The following ENOX1 variants were observed in gnomAD, a reference collection of about 807,000 sequenced individuals.
ENOX1 encodes candidate growth-related and time keeping constitutive hydroquinone (NADH) oxidase.
In ENOX1, 42 loss-of-function variants were observed where a neutral mutation model predicts 82.5. That is an observed-to-expected ratio of 0.51 (90% confidence interval 0.40 to 0.66). The LOEUF (loss-of-function observed/expected upper bound fraction) is 0.66. Among genes scored for constraint, ENOX1 ranks in the 30% least tolerant of loss-of-function variants. The probability of loss-of-function intolerance (pLI) is 0.00; values close to 1 mark genes in which losing one functional copy is unlikely to be tolerated. For missense variants in ENOX1, 608 were observed against 811.6 expected (o/e 0.75, Z 3.05); for synonymous variants, 271 against 282.2 (o/e 0.96, Z 0.40).
At chr13:43,272,779 C>T (rs951109556) in intron 12 of ENOX1, among the ~76,000 whole-genome samples, 1 of 152,146 alleles carries the variant, frequency 6.6e-6, no homozygotes, top group Non-Finnish European at 1.5e-5. Context: ...ATTTTTAAAA[C>T]ACCTTCACAG....
rs1437179044 is a variant in ENOX1, at chr13:43,266,964, T to C, written c.1555-1510A>G. Among the ~76,000 whole-genome samples, 3 of 152,198 alleles carry C rather than the reference T, an allele frequency of 2.0e-5. No individual in the cohort carries two copies. In the South Asian group the frequency reaches 6.2e-4, roughly 32 times the overall value. ...TAAATGTGCCAGTTGCTCTCCTCTC[T>C]TTTAAATAAACTCCATTCTTCCCAT... On this transcript the variant is annotated intron_variant, in intron 13 of 16. Coordinates refer to ENST00000690772, the MANE Select transcript of ENOX1 (RefSeq NM_001347969.2).
At position 43,445,413 on chromosome 13, in the gene ENOX1, GCC is replaced by G. The variant is rs1352782125; in HGVS notation, c.-74-32427_-74-32426del. On this transcript the variant is annotated intron_variant, in intron 3 of 16. Transcript: ENST00000690772. The stretch of plus-strand genomic sequence containing the variant: ...GCTGGGATTACAGGTGTGAGCCACT[GCC>G]CCCGGCCCACTTTCTGGGTCTTATA... Among the ~76,000 whole-genome samples the G allele has an allele frequency of 3.3e-5, 5 of 152,212 alleles. No homozygotes were observed. In the East Asian group the frequency reaches 5.8e-4, roughly 18 times the overall value.
intron 3 of ENOX1, among the ~76,000 whole-genome samples, chr13:43,447,507 G>A (rs2153628281): frequency 6.6e-6 from 1 of 152,152 alleles, no homozygotes; most frequent in Non-Finnish European, 1.5e-5. Flanking sequence ...CTGCAAGATA[G>A]TCTGTGCCCT....
chr13:43,672,395 T>A (rs919418429), intron 1 of ENOX1, among the ~76,000 whole-genome samples: 2 of 152,200 alleles, frequency 1.3e-5, no homozygotes, highest in Non-Finnish European at 2.9e-5. Flanking sequence ...ATCCTATTTC[T>A]CCACAACTAT....
intron 1 of ENOX1, among the ~76,000 whole-genome samples, chr13:43,711,551 T>C (rs1415709017): frequency 1.3e-5 from 2 of 152,076 alleles, no homozygotes; most frequent in African/African-American, 4.8e-5. Flanking sequence ...TGTGAAAGTG[T>C]TCCTATTTCT....
At chr13:43,547,179 C>A (rs2079009171) in intron 2 of ENOX1, 1 of 152,194 alleles carries the variant, frequency 6.6e-6, no homozygotes, top group Admixed American at 6.5e-5. Context: ...CCCAGGTTCA[C>A]AGACCAACTG....
chr13:43,515,319 C>T (rs2077519201), intron 2 of ENOX1, among the ~76,000 whole-genome samples: 1 of 152,104 alleles, frequency 6.6e-6, no homozygotes. Context: ...AGAGTGGGGC[C>T]AAGAATCTGC....
At chr13:43,411,555 GA>G (rs1288830621) in intron 5 of ENOX1, among the ~76,000 whole-genome samples, 6 of 152,148 alleles carry the variant, frequency 3.9e-5, no homozygotes, top group Non-Finnish European at 8.8e-5. Context: ...ATAACAAAAA[GA>G]AATATCTACC....
chr13:43,633,714 G>GTGTGTGT (rs1566676781), intron 2 of ENOX1, among the ~76,000 whole-genome samples: 1 of 144,964 alleles, frequency 6.9e-6, no homozygotes, highest in Non-Finnish European at 1.5e-5. Flanking sequence ...GTGTGTGTGT[G>GTGTGTGT]GATAGGTGGG....
At chr13:43,222,452 G>A (rs976080201) in intron 16 of ENOX1, among the ~76,000 whole-genome samples, 1 of 152,016 alleles carries the variant, frequency 6.6e-6, no homozygotes, top group Non-Finnish European at 1.5e-5. Context: ...CTCAGCCTGC[G>A]ATGATGGAGT....
At chr13:43,370,350 C>G (rs569694259) in intron 5 of ENOX1, among the ~76,000 whole-genome samples, 10 of 151,962 alleles carry the variant, frequency 6.6e-5, no homozygotes, top group East Asian at 1.9e-4. Context: ...CTGGGCAACA[C>G]AGCGAGACTC....
chr13:43,371,673 A>T (rs1284232401), intron 5 of ENOX1, among the ~76,000 whole-genome samples: 1 of 152,220 alleles, frequency 6.6e-6, no homozygotes, highest in Non-Finnish European at 1.5e-5. Context: ...ACAAAGAAAA[A>T]CATTCAATAT....
At chr13:43,447,159 A>G (rs1210140638) in intron 3 of ENOX1, among the ~76,000 whole-genome samples, 1 of 152,244 alleles carries the variant, frequency 6.6e-6, no homozygotes, top group Non-Finnish European at 1.5e-5. Flanking sequence ...AACACATTGC[A>G]AATGTTGAGG....
chr13:43,641,035 T>C (rs2083625569), intron 2 of ENOX1, among the ~76,000 whole-genome samples: 1 of 152,068 alleles, frequency 6.6e-6, no homozygotes. Context: ...AGAAAGCAAA[T>C]GATTTAGTGC....
intron 1 of ENOX1, among the ~76,000 whole-genome samples, chr13:43,706,471 A>T (rs2087292674): frequency 6.6e-6 from 1 of 152,086 alleles, no homozygotes; most frequent in Admixed American, 6.5e-5. Context: ...ACAAACCAAT[A>T]TCACTCAGAA....
intron 2 of ENOX1, among the ~76,000 whole-genome samples, chr13:43,496,716 C>A (rs1402607877): frequency 1.3e-5 from 2 of 152,122 alleles, no homozygotes; most frequent in African/African-American, 4.8e-5. Context: ...CTATATGTAA[C>A]AAAATTGCTT....
At chr13:43,291,078 A>AATT (rs2045974291) in intron 12 of ENOX1, among the ~76,000 whole-genome samples, 1 of 152,168 alleles carries the variant, frequency 6.6e-6, no homozygotes, top group African/African-American at 2.4e-5. Context: ...CTTAGAATAC[A>AATT]ATTTATCATT....
At chr13:43,387,350 G>A (rs1027686261) in intron 5 of ENOX1, among the ~76,000 whole-genome samples, 2 of 152,200 alleles carry the variant, frequency 1.3e-5, no homozygotes, top group Non-Finnish European at 2.9e-5. Context: ...GAGCTGGCCT[G>A]TGGTGGGAAG....
chr13:43,590,570 C>A (rs749019899), intron 2 of ENOX1, among the ~76,000 whole-genome samples: 2 of 151,616 alleles, frequency 1.3e-5, no homozygotes, highest in Non-Finnish European at 2.9e-5. Flanking sequence ...GTCAGGAGAT[C>A]GAGACCATTG....
Sources: gnomAD v4.1 joint callset for allele counts (sites outside exome capture counted in the v4.1 genomes callset) on GRCh38, gnomAD v4.1.1 for gene constraint, MANE v1.5 for transcripts, NCBI Gene and HGNC (gene_info 2026-07-23, HGNC 2026-07-21) for gene names.